Variants in ENOX1 observed in about 807,000 individuals in gnomAD.
ENOX1 encodes the protein ecto-NOX disulfide-thiol exchanger 1.
In ENOX1, 42 loss-of-function variants were observed where a neutral mutation model predicts 82.5. The ratio of observed to expected loss-of-function variants is 0.51; its 90% CI spans 0.40 to 0.66. The LOEUF (loss-of-function observed/expected upper bound fraction) is 0.66. Ranked by LOEUF, ENOX1 falls within the 30% of genes least tolerant of loss-of-function variation. The pLI is 0.00. For missense variants in ENOX1, 608 were observed against 811.6 expected (o/e 0.75, Z 3.05); for synonymous variants, 271 against 282.2 (o/e 0.96, Z 0.40).
intron 1 of ENOX1, among the ~76,000 whole-genome samples, chr13:43,714,733 C>T (rs937411267): frequency 3.9e-5 from 6 of 152,240 alleles, no homozygotes; most frequent in African/African-American, 1.4e-4. Flanking sequence ...ACTAGGATTG[C>T]AACCCCTGCC....
At chr13:43,715,335 C>T (rs1225453712) in intron 1 of ENOX1, among the ~76,000 whole-genome samples, 2 of 152,022 alleles carry the variant, frequency 1.3e-5, no homozygotes, top group Admixed American at 6.6e-5. Context: ...TCTCTGGCTG[C>T]CCTTAACATT....
At chr13:43,626,146 T>C (rs950168173) in intron 2 of ENOX1, among the ~76,000 whole-genome samples, 3 of 151,886 alleles carry the variant, frequency 2.0e-5, no homozygotes, top group Non-Finnish European at 4.4e-5. Flanking sequence ...CACAGTATTA[T>C]CTTAATTTCC....
At chr13:43,376,305 T>C (rs1432560522) in intron 5 of ENOX1, among the ~76,000 whole-genome samples, 1 of 152,226 alleles carries the variant, frequency 6.6e-6, no homozygotes, top group African/African-American at 2.4e-5. Context: ...TAAGTTAAAC[T>C]GAACTAAAAT....
At chr13:43,352,994 CTT>C (rs1222636365) in intron 8 of ENOX1, among the ~76,000 whole-genome samples, 3 of 152,200 alleles carry the variant, frequency 2.0e-5, no homozygotes, top group Non-Finnish European at 4.4e-5. Context: ...CACCTAAACT[CTT>C]TGAGGCAGGG....
At chr13:43,586,511 C>G (rs2080991471) in intron 2 of ENOX1, among the ~76,000 whole-genome samples, 1 of 152,178 alleles carries the variant, frequency 6.6e-6, no homozygotes, top group South Asian at 2.1e-4. Flanking sequence ...GGGCTCTTGA[C>G]AGTGAGCTCC....
At chr13:43,271,905 T>A (rs556008761) in intron 12 of ENOX1, among the ~76,000 whole-genome samples, 4 of 152,316 alleles carry the variant, frequency 2.6e-5, no homozygotes, top group South Asian at 4.1e-4. Flanking sequence ...TGTGTTTTTT[T>A]ATGTGATATT....
chr13:43,679,324 A>T (rs1052267975), intron 1 of ENOX1, among the ~76,000 whole-genome samples: 5 of 152,134 alleles, frequency 3.3e-5, no homozygotes, highest in Non-Finnish European at 7.4e-5. Flanking sequence ...AATGAACAAG[A>T]TCAAGTCCCT....
chr13:43,309,260 G>A (rs2047051566), intron 11 of ENOX1, among the ~76,000 whole-genome samples: 1 of 152,082 alleles, frequency 6.6e-6, no homozygotes, highest in African/African-American at 2.4e-5. Context: ...GACCTCAAAT[G>A]ATCCGCCTAC....
rs1051854704 is a variant in ENOX1, at chr13:43,656,291, G to T, written c.-219+11188C>A. 1.6e-4 allele frequency among the ~76,000 whole-genome samples: 25 copies of T among 152,134 alleles called. No individual in the cohort carries two copies. In the South Asian group the frequency reaches 1.9e-3, roughly 11 times the overall value. ...CATTCTAGTACTTTTGCAAGTATTTGCAATTGTAATCAGTAATGCAGGCAG... is the reference window on the plus strand; with the variant it reads ...CATTCTAGTACTTTTGCAAGTATTTTCAATTGTAATCAGTAATGCAGGCAG... On this transcript the variant is annotated intron_variant, in intron 2 of 16. Coordinates refer to ENST00000690772, the MANE Select transcript of ENOX1 (RefSeq NM_001347969.2).
At chr13:43,355,869 T>C (rs2050116005) in intron 8 of ENOX1, 50 bp downstream of exon 8, 1 of 1,532,718 alleles carries the variant, frequency 6.5e-7, no homozygotes. Flanking sequence ...CAGGGTTCCG[T>C]GTCTGGGGAT....
intron 14 of ENOX1, among the ~76,000 whole-genome samples, chr13:43,241,862 T>C (rs1229354195): frequency 6.6e-6 from 1 of 152,206 alleles, no homozygotes; most frequent in East Asian, 1.9e-4. Flanking sequence ...AGAGGAGCTC[T>C]TTTTCAATAG....
intron 3 of ENOX1, among the ~76,000 whole-genome samples, chr13:43,457,826 G>C (rs1001698393): frequency 6.6e-6 from 1 of 152,018 alleles, no homozygotes; most frequent in Non-Finnish European, 1.5e-5. Context: ...ATCACATAAT[G>C]ATTTTTCACA....
intron 3 of ENOX1, among the ~76,000 whole-genome samples, chr13:43,447,888 C>T (rs1280794353): frequency 6.6e-6 from 1 of 152,188 alleles, no homozygotes; most frequent in Non-Finnish European, 1.5e-5. Flanking sequence ...CATAAAGCAT[C>T]CATCTTTAAA....
intron 16 of ENOX1, among the ~76,000 whole-genome samples, chr13:43,218,077 C>T (rs2153449180): frequency 6.6e-6 from 1 of 152,254 alleles, no homozygotes; most frequent in Admixed American, 6.5e-5. Flanking sequence ...AATAAGCTGT[C>T]CAAGGTCAAA....
At chr13:43,245,684 T>C (rs1450394673) in intron 14 of ENOX1, among the ~76,000 whole-genome samples, 2 of 152,166 alleles carry the variant, frequency 1.3e-5, no homozygotes, top group African/African-American at 2.4e-5. Context: ...ACCTCTGCCC[T>C]TTCCCAGCAG....
intron 16 of ENOX1, among the ~76,000 whole-genome samples, chr13:43,222,988 G>A (rs550812665): frequency 6.6e-6 from 1 of 152,206 alleles, no homozygotes; most frequent in African/African-American, 2.4e-5. Context: ...CTGTATGACT[G>A]AAAAGATTCC....
intron 5 of ENOX1, among the ~76,000 whole-genome samples, chr13:43,362,431 G>C (rs1234131341): frequency 1.3e-5 from 2 of 152,074 alleles, no homozygotes; most frequent in Non-Finnish European, 2.9e-5. Flanking sequence ...GACAGGCCAG[G>C]ATAGATCATG....
At chr13:43,399,847 G>C (rs2153588626) in intron 5 of ENOX1, among the ~76,000 whole-genome samples, 1 of 152,124 alleles carries the variant, frequency 6.6e-6, no homozygotes, top group Non-Finnish European at 1.5e-5. Context: ...TGCTGTAATA[G>C]GCTAACGCCC....
chr13:43,325,536 T>C (rs897345294), intron 10 of ENOX1, among the ~76,000 whole-genome samples: 2 of 152,198 alleles, frequency 1.3e-5, no homozygotes, highest in African/African-American at 2.4e-5. Context: ...TCAAACTCTA[T>C]ATAAAATACT....
Sources: gnomAD v4.1 joint callset for allele counts (sites outside exome capture counted in the v4.1 genomes callset) on GRCh38, gnomAD v4.1.1 for gene constraint, MANE v1.5 for transcripts, NCBI Gene and HGNC (gene_info 2026-07-23, HGNC 2026-07-21) for gene names.